The following FBXL14 variants were observed in gnomAD, a reference collection of about 807,000 sequenced individuals.
FBXL14 encodes the protein F-box and leucine rich repeat protein 14.
In FBXL14, 11 loss-of-function variants were observed where a neutral mutation model predicts 24.5. That is an observed-to-expected ratio of 0.45 (90% CI 0.28 to 0.74). The LOEUF (loss-of-function observed/expected upper bound fraction) is 0.74, where lower values mean the gene tolerates loss of function less well. Ranked by LOEUF, FBXL14 falls within the 30% of genes least tolerant of loss-of-function variation. FBXL14 has a pLI of 0.12. For synonymous variants in FBXL14, 294 were observed against 240.4 expected (o/e 1.22, Z -2.06); for missense variants, 384 against 545.6 (o/e 0.70, Z 2.95).
Position 1,594,156 on chromosome 12 carries a change from A to AGCG in FBXL14, c.-91_-90insCGC. On this transcript the variant is annotated 5_prime_UTR_variant, in exon 1 of 2. Transcript: ENST00000339235. ...GCAGGCGACGAGAGCGCTTCTCCCC[A>AGCG]GCCGCCGCCGCCGCCGCCGCCGCCG... 1.8e-6 allele frequency: 1 copy of AGCG among 555,492 alleles called. No homozygotes were observed. The highest frequency in any genetic ancestry group is 2.0e-5 in the African/African-American group (1 of 49,838). The allele number at this position is 555,492 out of a possible 1,614,324, so 34.4% of individuals were successfully genotyped here.
intron 1 of FBXL14, among the ~76,000 whole-genome samples, chr12:1,568,754 G>C (rs191189877): frequency 6.6e-6 from 1 of 152,062 alleles, no homozygotes; most frequent in Non-Finnish European, 1.5e-5. Context: ...CCAGCTACTC[G>C]CGAGGCTGAG....
intron 1 of FBXL14, among the ~76,000 whole-genome samples, chr12:1,573,876 A>G (rs1407901653): frequency 1.3e-5 from 2 of 152,142 alleles, no homozygotes; most frequent in Admixed American, 6.6e-5. Flanking sequence ...GTGGTGGCGC[A>G]TGCCTGTAAT....
intron 1 of FBXL14, among the ~76,000 whole-genome samples, chr12:1,573,457 G>C (rs1370757374): frequency 6.6e-6 from 1 of 152,196 alleles, no homozygotes; most frequent in Non-Finnish European, 1.5e-5. Flanking sequence ...AACCTTGTCA[G>C]CTGAATGCCA....
At chr12:1,580,206 G>A (rs1436498358) in intron 1 of FBXL14, among the ~76,000 whole-genome samples, 1 of 152,226 alleles carries the variant, frequency 6.6e-6, no homozygotes, top group East Asian at 1.9e-4. Flanking sequence ...CTGGGATGCT[G>A]AAGTGAATGC....
At chr12:1,586,822 C>T (rs1300548487) in intron 1 of FBXL14, among the ~76,000 whole-genome samples, 1 of 152,232 alleles carries the variant, frequency 6.6e-6, no homozygotes, top group Non-Finnish European at 1.5e-5. Context: ...TTGGGTTTCT[C>T]TGCTGCGCCA....
Position 1,593,436 on chromosome 12 carries a change from C to T in FBXL14, c.631G>A (p.Asp211Asn). 6.2e-7 allele frequency: 1 copy of T among 1,614,026 alleles called. No individual in the cohort carries two copies. The highest frequency in any genetic ancestry group is 8.5e-7 in the Non-Finnish European group (1 of 1,180,036). Residue 211 changes from aspartate to asparagine, a missense_variant, in exon 1 of 2, where the codon GAC becomes AAC. Transcript: ENST00000339235. The surrounding 1 kb of genome is among the most constrained non-coding windows in gnomAD (Gnocchi z 7.4). ...GAAAGATCTGTGAGCTTCTGGCAGTCCTGTAGCGTGAGCTGCTCCAGGCCC... is the reference window on the plus strand; with the variant it reads ...GAAAGATCTGTGAGCTTCTGGCAGTTCTGTAGCGTGAGCTGCTCCAGGCCC... ...CLGLEQLTLQ[D>N]CQKLTDLSLK...
At position 1,569,590 on chromosome 12, in the gene FBXL14, T is replaced by C. The variant is rs11612616; in HGVS notation, c.1195-2780A>G. Among the ~76,000 whole-genome samples the C allele has an allele frequency of 0.35, 53,566 of 151,820 alleles. 9,742 individuals are homozygous for C. The highest frequency in any genetic ancestry group is 0.4 in the African/African-American group (16,470 of 41,378). On this transcript the variant is annotated intron_variant, in intron 1 of 1. Transcript: ENST00000339235. The surrounding 1 kb of genome is among the most constrained non-coding windows in gnomAD (Gnocchi z 4.2). ...TAATTTTTTGTGTTTTTAGTAGAGATGGGGTTTCACCGTGTTAGCCAGGAT... is the reference window on the plus strand; with the variant it reads ...TAATTTTTTGTGTTTTTAGTAGAGACGGGGTTTCACCGTGTTAGCCAGGAT...
intron 1 of FBXL14, among the ~76,000 whole-genome samples, chr12:1,582,708 A>G (rs1829975623): frequency 6.6e-6 from 1 of 152,200 alleles, no homozygotes; most frequent in Non-Finnish European, 1.5e-5. Flanking sequence ...TGACGTCTAT[A>G]TTACAGAGCT....
In FBXL14 at chr12:1,594,235, C is replaced by T. The variant is rs1254207901; in HGVS notation, c.-169G>A. On this transcript the variant is annotated 5_prime_UTR_variant, in exon 1 of 2. Transcript: ENST00000339235. ...GCCTTCCGGCTCCGGCCGCCGCCGC[C>T]GCTCCTCCTCCTGGTCCGTCCGTCC... 7 of 244,862 alleles carry T rather than the reference C, an allele frequency of 2.9e-5. No individual in the cohort carries two copies. Among genetic ancestry groups the T allele is most frequent in the African/African-American group, 9.3e-5 (4 of 43,022 alleles). 15.2% of individuals were successfully genotyped at this position (244,862 alleles called of 1,614,324 possible).
rs1294437353 is a variant in FBXL14, at chr12:1,571,217, G to A, written c.1195-4407C>T. ...GGGGTTTTTTTTGTTTGTTTGTTTT[G>A]TTTTTTTGAGACAGAGTTTTTGCTC... On this transcript the variant is annotated intron_variant, in intron 1 of 1. Coordinates refer to ENST00000339235, the MANE Select transcript of FBXL14 (RefSeq NM_152441.3). Among the ~76,000 whole-genome samples, 4 of 151,178 alleles carry A rather than the reference G, an allele frequency of 2.6e-5. No individual in the cohort carries two copies. In the East Asian group the frequency reaches 5.8e-4, roughly 22 times the overall value.
Position 1,567,060 on chromosome 12 carries a change from G to A in FBXL14, c.1195-250C>T, listed in dbSNP as rs78556424. On this transcript the variant is annotated intron_variant, in intron 1 of 1. Coordinates refer to ENST00000339235, the MANE Select transcript of FBXL14 (RefSeq NM_152441.3). This position sits in a 1 kb window ranked among gnomAD's most constrained non-coding sequence, Gnocchi z 4.8. ...CAAGCTCACCAAAACTCTGAGGCCT[G>A]ATTGTAGACTATAGAGTAGACCTTC... is the stretch of plus-strand genomic sequence containing the variant. Among the ~76,000 whole-genome samples, 4,900 of 152,226 alleles carry A rather than the reference G, an allele frequency of 0.032. 264 individuals carry two copies. The highest frequency in any genetic ancestry group is 0.11 in the African/African-American group (4,652 of 41,506).
intron 1 of FBXL14, among the ~76,000 whole-genome samples, chr12:1,581,276 G>C (rs2094465778): frequency 6.6e-6 from 1 of 152,196 alleles, no homozygotes; most frequent in Non-Finnish European, 1.5e-5. Context: ...AGCAGCAGCA[G>C]TGGCTGTCAG....
At chr12:1,568,525 C>A (rs2094439867) in intron 1 of FBXL14, among the ~76,000 whole-genome samples, 1 of 152,098 alleles carries the variant, frequency 6.6e-6, no homozygotes, top group Non-Finnish European at 1.5e-5. Context: ...TATTCTTAAT[C>A]TAACAGATAA....
Position 1,567,434 on chromosome 12 carries a change from T to TGA in FBXL14, c.1195-626_1195-625dup, listed in dbSNP as rs1471716895. ...TTGAACCGGGAGGCAGAGGTTGCAGTGAGCCAAGATCGCGCCACTGTACTG... is the reference window on the plus strand; with the variant it reads ...TTGAACCGGGAGGCAGAGGTTGCAGTGAGAGCCAAGATCGCGCCACTGTACTG... On this transcript the variant is annotated intron_variant, in intron 1 of 1. Transcript: ENST00000339235. This position sits in a 1 kb window ranked among gnomAD's most constrained non-coding sequence, Gnocchi z 4.8. Among the ~76,000 whole-genome samples, 1 of 152,074 alleles carries TGA rather than the reference T, an allele frequency of 6.6e-6. No homozygotes were observed. Among genetic ancestry groups the TGA allele is most frequent in the Non-Finnish European group, 1.5e-5 (1 of 67,998 alleles).
chr12:1,586,185 T>G (rs1221444064), intron 1 of FBXL14, among the ~76,000 whole-genome samples: 1 of 150,812 alleles, frequency 6.6e-6, no homozygotes, highest in Non-Finnish European at 1.5e-5. Context: ...ATTTGGGGTT[T>G]TTTTTTTTTT....
intron 1 of FBXL14, among the ~76,000 whole-genome samples, chr12:1,571,677 G>C (rs2094445764): frequency 6.6e-6 from 1 of 152,146 alleles, no homozygotes; most frequent in South Asian, 2.1e-4. Context: ...AGTTATCAAA[G>C]AGCGACTTTT....
At chr12:1,583,033 G>T (rs887984373) in intron 1 of FBXL14, among the ~76,000 whole-genome samples, 15 of 151,610 alleles carry the variant, frequency 9.9e-5, no homozygotes, top group African/African-American at 3.4e-4. Context: ...TCTTCGTCAG[G>T]GCTGTTATTA....
chr12:1,583,562 C>T (rs2094470992), intron 1 of FBXL14, among the ~76,000 whole-genome samples: 1 of 152,084 alleles, frequency 6.6e-6, no homozygotes, highest in Admixed American at 6.5e-5. Flanking sequence ...AAATACTTTG[C>T]GGGTGCGGGT....
chr12:1,581,532 G>A (rs1252042368), intron 1 of FBXL14, among the ~76,000 whole-genome samples: 3 of 152,284 alleles, frequency 2.0e-5, no homozygotes, highest in African/African-American at 2.4e-5. Context: ...TGTCGGAGCC[G>A]GCCTGTCCCG....
Sources: allele counts gnomAD v4.1 joint callset (sites outside exome capture counted in the v4.1 genomes callset), GRCh38; gene constraint gnomAD v4.1.1; non-coding constraint Gnocchi (gnomAD v3.1); transcripts MANE v1.5; gene names NCBI Gene and HGNC (gene_info 2026-07-23, HGNC 2026-07-21).